Variants in SNTG1 observed in about 807,000 individuals in gnomAD.
SNTG1 encodes syntrophin gamma 1, also known as gamma-1-syntrophin.
A neutral mutation model predicts 74.7 loss-of-function variants in SNTG1; 39 were observed. That is an observed-to-expected ratio of 0.52 (90% confidence interval 0.40 to 0.68). The LOEUF is 0.68. SNTG1 is among the 30% of genes least tolerant of loss of function. The probability of loss-of-function intolerance (pLI) is 0.00; values close to 1 mark genes in which losing one functional copy is unlikely to be tolerated. For missense variants in SNTG1, 685 were observed against 609.5 expected (o/e 1.12, Z -1.30); for synonymous variants, 254 against 217.1 (o/e 1.17, Z -1.49).
intron 2 of SNTG1, among the ~76,000 whole-genome samples, chr8:50,231,680 A>G (rs1267002434): frequency 6.6e-6 from 1 of 151,398 alleles, no homozygotes; most frequent in Non-Finnish European, 1.5e-5. Context: ...AGAAACGTTT[A>G]GAATAGAATA....
At chr8:50,638,434 T>C (rs1483454450) in intron 13 of SNTG1, among the ~76,000 whole-genome samples, 1 of 152,084 alleles carries the variant, frequency 6.6e-6, no homozygotes, top group Admixed American at 6.6e-5. Context: ...AAAGCTATCA[T>C]ATAATAAAAT....
At chr8:50,144,482 G>C (rs533637331) in intron 1 of SNTG1, among the ~76,000 whole-genome samples, 11 of 152,204 alleles carry the variant, frequency 7.2e-5, no homozygotes. Context: ...AGATTTTCAG[G>C]AAGAATTTCC....
At chr8:50,711,131 C>A (rs180784071) in intron 17 of SNTG1, among the ~76,000 whole-genome samples, 2 of 152,090 alleles carry the variant, frequency 1.3e-5, no homozygotes, top group African/African-American at 4.8e-5. Flanking sequence ...GAAACTTGCA[C>A]CCCTTCATCA....
chr8:50,051,271 A>ACAC (rs1563524306), intron 1 of SNTG1, among the ~76,000 whole-genome samples: 17 of 68,194 alleles, frequency 2.5e-4, no homozygotes, highest in East Asian at 5.3e-4. Context: ...CACACACACA[A>ACAC]ACAAACAAGA....
At chr8:49,984,226 A>G (rs966973155) in intron 1 of SNTG1, among the ~76,000 whole-genome samples, 5 of 151,602 alleles carry the variant, frequency 3.3e-5, no homozygotes, top group Non-Finnish European at 7.4e-5. Flanking sequence ...TTTTGGTGAG[A>G]CAGAGATTTA....
At chr8:50,281,997 C>T (rs1023229422) in intron 2 of SNTG1, among the ~76,000 whole-genome samples, 2 of 152,138 alleles carry the variant, frequency 1.3e-5, no homozygotes, top group African/African-American at 4.8e-5. Flanking sequence ...ACAAGCACTG[C>T]CATTTTAAAG....
chr8:50,183,550 C>T (rs555635376), intron 2 of SNTG1, among the ~76,000 whole-genome samples: 1 of 152,274 alleles, frequency 6.6e-6, no homozygotes, highest in Admixed American at 6.5e-5. Flanking sequence ...CATCCTTATA[C>T]AACTTATATT....
At chr8:49,948,932 A>G (rs902495993) in intron 1 of SNTG1, among the ~76,000 whole-genome samples, 9 of 152,068 alleles carry the variant, frequency 5.9e-5, no homozygotes, top group Non-Finnish European at 1.5e-5. Flanking sequence ...TTCTTCCCTG[A>G]TCTTTGCCAC....
intron 17 of SNTG1, among the ~76,000 whole-genome samples, chr8:50,716,820 C>T (rs1585626714): frequency 6.6e-6 from 1 of 151,782 alleles, no homozygotes; most frequent in Non-Finnish European, 1.5e-5. Context: ...GCAAGCTCCA[C>T]CTCCCGGGTT....
intron 1 of SNTG1, among the ~76,000 whole-genome samples, chr8:50,043,677 G>A (rs569388685): frequency 3.0e-4 from 45 of 152,308 alleles, no homozygotes; most frequent in African/African-American, 8.9e-4. Flanking sequence ...AGAGTGGGTG[G>A]CTCCAGCTTT....
chr8:50,404,712 G>A (rs1356016312), intron 4 of SNTG1, among the ~76,000 whole-genome samples: 4 of 151,476 alleles, frequency 2.6e-5, no homozygotes, highest in East Asian at 3.9e-4. Flanking sequence ...GTAGCATTTC[G>A]TGCATTCATT....
At chr8:50,577,704 A>G (rs1274964849) in intron 12 of SNTG1, among the ~76,000 whole-genome samples, 1 of 152,138 alleles carries the variant, frequency 6.6e-6, no homozygotes, top group Admixed American at 6.6e-5. Context: ...CTTAGTGTTA[A>G]CTTCCCTCAT....
At chr8:50,356,404 C>T (rs1055466976) in intron 2 of SNTG1, among the ~76,000 whole-genome samples, 3 of 152,184 alleles carry the variant, frequency 2.0e-5, no homozygotes, top group Admixed American at 6.5e-5. Context: ...TTCAATGTTG[C>T]CATAGAAATA....
chr8:50,502,084 A>G (rs1401867246), intron 8 of SNTG1, among the ~76,000 whole-genome samples: 3 of 152,212 alleles, frequency 2.0e-5, no homozygotes, highest in Non-Finnish European at 4.4e-5. Flanking sequence ...TGGAAGAACT[A>G]GACTTACTAA....
intron 16 of SNTG1, among the ~76,000 whole-genome samples, chr8:50,706,899 A>C (rs2095445100): frequency 6.6e-6 from 1 of 152,074 alleles, no homozygotes; most frequent in African/African-American, 2.4e-5. Flanking sequence ...GCAGAAAGAA[A>C]AAAATTAATG....
chr8:50,329,754 A>G (rs1389288010), intron 2 of SNTG1, among the ~76,000 whole-genome samples: 2 of 152,104 alleles, frequency 1.3e-5, no homozygotes, highest in African/African-American at 4.8e-5. Context: ...AGTGATTAGC[A>G]TATGGCTCCT....
intron 18 of SNTG1, among the ~76,000 whole-genome samples, chr8:50,760,039 C>T (rs2095593607): frequency 6.6e-6 from 1 of 152,050 alleles, no homozygotes; most frequent in Non-Finnish European, 1.5e-5. Context: ...GTTTGTAGTT[C>T]TCCTTGAAGA....
At chr8:50,313,712 T>C (rs2090205985) in intron 2 of SNTG1, among the ~76,000 whole-genome samples, 1 of 150,016 alleles carries the variant, frequency 6.7e-6, no homozygotes, top group Non-Finnish European at 1.5e-5. Flanking sequence ...TATTTATCTT[T>C]TATATACTTG....
chr8:50,416,907 C>G (rs1294605080), intron 4 of SNTG1, among the ~76,000 whole-genome samples: 1 of 152,090 alleles, frequency 6.6e-6, no homozygotes, highest in African/African-American at 2.4e-5. Context: ...AGCTTAACAC[C>G]TGAGTGACTG....
Sources: allele counts gnomAD v4.1 joint callset (sites outside exome capture counted in the v4.1 genomes callset), GRCh38; gene constraint gnomAD v4.1.1; transcripts MANE v1.5; gene names NCBI Gene and HGNC (gene_info 2026-07-23, HGNC 2026-07-21).